Variants in PLXNA4 observed in about 807,000 individuals in gnomAD.
PLXNA4 encodes plexin-A4.
PLXNA4 carries 44 observed loss-of-function variants against 191.8 expected under a neutral mutation model. That is an observed-to-expected ratio of 0.23 (90% CI 0.18 to 0.29). The LOEUF (loss-of-function observed/expected upper bound fraction) is 0.29, where lower values mean the gene tolerates loss of function less well. PLXNA4 is among the 10% of genes least tolerant of loss of function. PLXNA4 has a pLI of 1.00. For missense variants in PLXNA4, 1,800 were observed against 2,488.8 expected (o/e 0.72, Z 5.89); for synonymous variants, 1,082 against 1,009.5 (o/e 1.07, Z -1.36).
chr7:132,368,598 G>A (rs564151396), intron 3 of PLXNA4, among the ~76,000 whole-genome samples: 21 of 152,298 alleles, frequency 1.4e-4, no homozygotes, highest in African/African-American at 5.1e-4. Context: ...AGCTGCCTGC[G>A]CTGCGGCTCA....
chr7:132,251,112 C>T (rs1799234411), intron 4 of PLXNA4, among the ~76,000 whole-genome samples: 1 of 142,142 alleles, frequency 7.0e-6, no homozygotes, highest in African/African-American at 2.7e-5. Context: ...TTTCATGTTA[C>T]TGCTACGTAA....
chr7:132,588,370 T>A (rs1802540728), intron 2 of PLXNA4, among the ~76,000 whole-genome samples: 1 of 152,142 alleles, frequency 6.6e-6, no homozygotes, highest in Non-Finnish European at 1.5e-5. Flanking sequence ...TGAAAGAATG[T>A]GTGCTGACTT....
At chr7:132,341,593 C>T (rs1389751720) in intron 3 of PLXNA4, among the ~76,000 whole-genome samples, 1 of 152,162 alleles carries the variant, frequency 6.6e-6, no homozygotes, top group African/African-American at 2.4e-5. Flanking sequence ...ACACTCACAC[C>T]TTCTAATTCT....
intron 3 of PLXNA4, among the ~76,000 whole-genome samples, chr7:132,423,821 G>A (rs112325756): frequency 5.9e-5 from 9 of 152,194 alleles, no homozygotes; most frequent in East Asian, 1.9e-4. Context: ...TTGTGTCTTC[G>A]TAATTGCGTT....
intron 4 of PLXNA4, among the ~76,000 whole-genome samples, chr7:132,285,462 G>T (rs755418527): frequency 9.2e-5 from 14 of 152,162 alleles, no homozygotes; most frequent in Non-Finnish European, 1.9e-4. Context: ...CTTAGCCATT[G>T]TGCATCCCTT....
intron 3 of PLXNA4, among the ~76,000 whole-genome samples, chr7:132,362,189 C>A (rs1198944797): frequency 6.6e-6 from 1 of 152,154 alleles, no homozygotes; most frequent in African/African-American, 2.4e-5. Context: ...ATGGGAAGAG[C>A]AAGATGGAGA....
At chr7:132,227,991 A>C (rs1206849117) in intron 6 of PLXNA4, among the ~76,000 whole-genome samples, 1 of 152,134 alleles carries the variant, frequency 6.6e-6, no homozygotes, top group Non-Finnish European at 1.5e-5. Flanking sequence ...CTTGGAAGTC[A>C]CCTGTGCCCC....
chr7:132,540,448 T>A (rs1018467182), intron 1 of PLXNA4, among the ~76,000 whole-genome samples: 1 of 151,830 alleles, frequency 6.6e-6, no homozygotes, highest in Admixed American at 6.6e-5. Context: ...GATCTCCAGC[T>A]CCGTGGGCCC....
intron 3 of PLXNA4, among the ~76,000 whole-genome samples, chr7:132,446,784 G>C (rs1795927878): frequency 1.3e-5 from 2 of 152,168 alleles, no homozygotes; most frequent in Admixed American, 1.3e-4. Flanking sequence ...CTAAGGTAAT[G>C]AGTCTGAGGC....
chr7:132,130,810 T>C (rs1393741876), intron 31 of PLXNA4, among the ~76,000 whole-genome samples: 1 of 152,044 alleles, frequency 6.6e-6, no homozygotes, highest in African/African-American at 2.4e-5. Flanking sequence ...GCACACACAG[T>C]CATGTCTGAA....
intron 3 of PLXNA4, among the ~76,000 whole-genome samples, chr7:132,405,652 C>T (rs1794189943): frequency 6.6e-6 from 1 of 152,216 alleles, no homozygotes; most frequent in South Asian, 2.1e-4. Context: ...CCACAGGTCC[C>T]ACAGCCCATC....
At chr7:132,599,650 G>T (rs1046602870) in intron 2 of PLXNA4, among the ~76,000 whole-genome samples, 5 of 151,000 alleles carry the variant, frequency 3.3e-5, no homozygotes, top group African/African-American at 1.2e-4. Context: ...ATAACACTTT[G>T]ATCTCTTCCT....
chr7:132,199,185 G>GC (rs1472208523), intron 12 of PLXNA4, among the ~76,000 whole-genome samples: 1 of 151,992 alleles, frequency 6.6e-6, no homozygotes, highest in Non-Finnish European at 1.5e-5. Flanking sequence ...CCCACTCCCA[G>GC]CCCCCTCCTC....
chr7:132,384,395 TTCCTTCGCCACTCA>T, intron 3 of PLXNA4: 5 of 985,532 alleles, frequency 5.1e-6, no homozygotes, highest in Non-Finnish European at 6.0e-6. Context: ...GTGTTTCCAC[TTCCTTCGCCACTCA>T]CCTCCTCCTC....
At chr7:132,452,334 C>A (rs1245375161) in intron 3 of PLXNA4, among the ~76,000 whole-genome samples, 1 of 152,200 alleles carries the variant, frequency 6.6e-6, no homozygotes, top group Non-Finnish European at 1.5e-5. Context: ...AGCGTCCCAC[C>A]CATCAGGAAG....
At position 132,507,904 on chromosome 7, in the gene PLXNA4, C is replaced by T. The variant is rs762186936; in HGVS notation, c.790G>A (p.Val264Met). 3 of 1,614,124 alleles carry T rather than the reference C, an allele frequency of 1.9e-6. No homozygotes were observed. The highest frequency in any genetic ancestry group is 1.1e-5 in the South Asian group (1 of 91,084). ...TTGGTGGTGGAGCCTGGTGGAGACA[C>T]CATCTCAGGTTGGAGGGTCAAAAAG... ...VYFLTLQPEM[V>M]SPPGSTTKEQ... The change falls in exon 2 of 32, where the codon GTG becomes ATG. Residue 264 changes from valine to methionine, a missense_variant. Around this residue, in one of 6 missense-constraint regions of PLXNA4, gnomAD observed 1,397 missense variants for 1,880.4 expected, o/e 0.74. Coordinates refer to ENST00000321063, the MANE Select transcript of PLXNA4 (RefSeq NM_020911.2).
chr7:132,562,914 TTC>T (rs1563174970), intron 1 of PLXNA4, among the ~76,000 whole-genome samples: 1 of 32,316 alleles, frequency 3.1e-5, no homozygotes, highest in African/African-American at 1.4e-4. Flanking sequence ...CCTCCTCCTC[TTC>T]CTCCTCCTCC....
At chr7:132,561,165 GTGCTCTCACCTCTCTGTGC>G (rs1158397460) in intron 1 of PLXNA4, among the ~76,000 whole-genome samples, 1 of 152,014 alleles carries the variant, frequency 6.6e-6, no homozygotes, top group Non-Finnish European at 1.5e-5. Flanking sequence ...CCCAAGGGCT[GTGCTCTCACCTCTCTGTGC>G]TGCTTCCTCC....
intron 14 of PLXNA4, among the ~76,000 whole-genome samples, chr7:132,190,360 G>A (rs1016262465): frequency 1.1e-4 from 16 of 152,324 alleles, no homozygotes; most frequent in African/African-American, 3.8e-4. Flanking sequence ...GTAGCACACA[G>A]GCTCATTATA....
Sources: gnomAD v4.1 joint callset for allele counts (sites outside exome capture counted in the v4.1 genomes callset) on GRCh38, gnomAD v4.1.1 for gene constraint, gnomAD v4.1.1 regional missense constraint, MANE v1.5 for transcripts, NCBI Gene and HGNC (gene_info 2026-07-23, HGNC 2026-07-21) for gene names.